TDRD3: variants seen among roughly 807,000 people sequenced by gnomAD.
TDRD3 encodes tudor domain-containing protein 3.
Under a neutral mutation model 86.7 loss-of-function variants are expected in TDRD3, and 45 were observed. That is an observed-to-expected ratio of 0.52 (90% CI 0.41 to 0.67). TDRD3 has a LOEUF of 0.67. Ranked by LOEUF, TDRD3 falls within the 30% of genes least tolerant of loss-of-function variation. The probability of loss-of-function intolerance (pLI) is 0.00; values close to 1 mark genes in which losing one functional copy is unlikely to be tolerated. For synonymous variants in TDRD3, 298 were observed against 301.7 expected (o/e 0.99, Z 0.13); for missense variants, 814 against 889.0 (o/e 0.92, Z 1.07).
chr13:60,502,376 T>C (rs1956853056), intron 8 of TDRD3, among the ~76,000 whole-genome samples: 1 of 152,226 alleles, frequency 6.6e-6, no homozygotes, highest in South Asian at 2.1e-4. Context: ...TAATGACAAA[T>C]GTATAAGCTT....
chr13:60,488,428 A>G (rs1318342028), intron 7 of TDRD3, among the ~76,000 whole-genome samples: 1 of 152,160 alleles, frequency 6.6e-6, no homozygotes, highest in Non-Finnish European at 1.5e-5. Flanking sequence ...CTGTTTATAC[A>G]AAAAAACTGT....
Position 60,528,556 on chromosome 13 carries a change from G to C in TDRD3, c.1331G>C (p.Gly444Ala). 1 of 1,614,020 alleles carries C rather than the reference G, an allele frequency of 6.2e-7. No homozygotes were observed. The highest frequency in any genetic ancestry group is 8.5e-7 in the Non-Finnish European group (1 of 1,179,942). The change falls in exon 11 of 14, where the codon GGA becomes GCA. Residue 444 changes from glycine (G) to alanine (A), a missense_variant. Gly to Ala is a moderately conservative substitution (Grantham distance 60). Coordinates refer to ENST00000377881, the MANE Select transcript of TDRD3 (RefSeq NM_001146070.2). ...TCAAAGTCAGTTTTAGAAGGCAGTG[G>C]ATTACCTAGAAATAGAGGTTCTGAA... ...QNSKSVLEGS[G>A]LPRNRGSERP...
intron 10 of TDRD3, among the ~76,000 whole-genome samples, chr13:60,513,386 G>A (rs1957100756): frequency 6.6e-6 from 1 of 152,186 alleles, no homozygotes; most frequent in Non-Finnish European, 1.5e-5. Flanking sequence ...ATTGTCTTGG[G>A]GATTAACATT....
At chr13:60,504,904 G>A (rs183449912) in intron 8 of TDRD3, among the ~76,000 whole-genome samples, 18 of 152,248 alleles carry the variant, frequency 1.2e-4, no homozygotes, top group East Asian at 1.9e-4. Context: ...AGTGGACTTC[G>A]GCCCAGATAC....
intron 12 of TDRD3, among the ~76,000 whole-genome samples, chr13:60,542,255 T>C (rs1957835036): frequency 6.6e-6 from 1 of 152,182 alleles, no homozygotes; most frequent in African/African-American, 2.4e-5. Flanking sequence ...CAAATATATG[T>C]AGAAGACTTG....
rs1402441979 is a variant in TDRD3 at position 60,509,894 on chromosome 13, A to G, written c.990A>G (p.Lys330=). 1.2e-6 allele frequency: 2 copies of G among 1,613,494 alleles called. No homozygotes were observed. Among genetic ancestry groups the G allele is most frequent in the African/African-American group, 1.3e-5 (1 of 74,890 alleles). ...LNVLLTSNKQ[K]PVMGPPLRGR... ...TACTTCTTACAAGCAATAAACAGAA[A>G]CCTGTTATGGGTCCTCCTCTGAGAG... Residue 330 remains lysine, a synonymous_variant, in exon 9 of 14, where the codon AAA becomes AAG. Transcript: ENST00000377881.
chr13:60,471,810 C>A (rs199945423), intron 5 of TDRD3, among the ~76,000 whole-genome samples: 1 of 152,080 alleles, frequency 6.6e-6, no homozygotes, highest in South Asian at 2.1e-4. Flanking sequence ...ATCACGTTAT[C>A]TGTGAAGAGT....
chr13:60,515,925 T>G (rs527561197), intron 10 of TDRD3, among the ~76,000 whole-genome samples: 1 of 152,348 alleles, frequency 6.6e-6, no homozygotes, highest in East Asian at 1.9e-4. Flanking sequence ...AAGATAAATC[T>G]AGAAAGTGTT....
At chr13:60,560,898 T>C (rs1240210827) in intron 12 of TDRD3, among the ~76,000 whole-genome samples, 1 of 152,212 alleles carries the variant, frequency 6.6e-6, no homozygotes, top group Non-Finnish European at 1.5e-5. Flanking sequence ...TGTTTAGTGA[T>C]AAGGTTTTGG....
At chr13:60,408,808 T>C (rs1251897441) in intron 1 of TDRD3, among the ~76,000 whole-genome samples, 1 of 152,238 alleles carries the variant, frequency 6.6e-6, no homozygotes, top group Non-Finnish European at 1.5e-5. Flanking sequence ...AAACCCATTT[T>C]CTAGGGAGAA....
chr13:60,511,915 C>T (rs1181414287), intron 10 of TDRD3, among the ~76,000 whole-genome samples: 1 of 152,104 alleles, frequency 6.6e-6, no homozygotes, highest in Non-Finnish European at 1.5e-5. Flanking sequence ...TTTCCTGACT[C>T]TGACTTAATG....
chr13:60,462,057 A>G (rs1955814876), intron 4 of TDRD3, among the ~76,000 whole-genome samples: 1 of 152,204 alleles, frequency 6.6e-6, no homozygotes, highest in South Asian at 2.1e-4. Context: ...CCTCCTCAGA[A>G]GATATGTTTG....
At chr13:60,432,431 A>G (rs1184993173) in intron 1 of TDRD3, among the ~76,000 whole-genome samples, 1 of 152,144 alleles carries the variant, frequency 6.6e-6, no homozygotes, top group African/African-American at 2.4e-5. Flanking sequence ...CCCAAGTTAT[A>G]TTCATAAACA....
At chr13:60,526,062 C>A (rs1957424305) in intron 10 of TDRD3, among the ~76,000 whole-genome samples, 1 of 152,126 alleles carries the variant, frequency 6.6e-6, no homozygotes, top group South Asian at 2.1e-4. Context: ...CGTTATTCAT[C>A]CTTTATCTGT....
At position 60,457,409 on chromosome 13, in the gene TDRD3, C is replaced by T. The variant is rs187578892; in HGVS notation, c.193-2971C>T. On this transcript the variant is annotated intron_variant, in intron 3 of 13. Coordinates refer to ENST00000377881, the MANE Select transcript of TDRD3 (RefSeq NM_001146070.2). ...TGGCTTAGTGGGACAGCCAAATGGACGCATTAACTGAACCACAGAACATGT... is the reference window on the plus strand; with the variant it reads ...TGGCTTAGTGGGACAGCCAAATGGATGCATTAACTGAACCACAGAACATGT... Among the ~76,000 whole-genome samples the T allele has an allele frequency of 2.4e-4, 36 of 152,278 alleles. No homozygotes were observed. The East Asian group carries it at 4.6e-3, about 20-fold the overall frequency.
At chr13:60,560,481 A>G (rs1341433013) in intron 12 of TDRD3, among the ~76,000 whole-genome samples, 1 of 152,044 alleles carries the variant, frequency 6.6e-6, no homozygotes, top group African/African-American at 2.4e-5. Flanking sequence ...CAGCTTTTTG[A>G]TGTTTTCACT....
chr13:60,532,679 T>C (rs1044434119), intron 11 of TDRD3, among the ~76,000 whole-genome samples: 4 of 152,226 alleles, frequency 2.6e-5, no homozygotes, highest in Admixed American at 6.5e-5. Context: ...TTCATTTCCA[T>C]AGGAGAATTT....
chr13:60,568,941 T>C (rs1323136285), intron 13 of TDRD3, among the ~76,000 whole-genome samples: 1 of 152,076 alleles, frequency 6.6e-6, no homozygotes. Flanking sequence ...TATTTCTATA[T>C]GTCAACCGCA....
At chr13:60,506,788 T>C (rs759655336) in intron 8 of TDRD3, among the ~76,000 whole-genome samples, 1 of 152,044 alleles carries the variant, frequency 6.6e-6, no homozygotes, top group Non-Finnish European at 1.5e-5. Context: ...ATGAAGAAAC[T>C]GCATCAGCTA....
Sources: gnomAD v4.1 joint callset for allele counts (sites outside exome capture counted in the v4.1 genomes callset) on GRCh38, gnomAD v4.1.1 for gene constraint, MANE v1.5 for transcripts, NCBI Gene and HGNC (gene_info 2026-07-23, HGNC 2026-07-21) for gene names.